Variants in AMDHD1 observed in about 807,000 individuals in gnomAD.
AMDHD1 encodes the protein amidohydrolase domain containing 1.
In AMDHD1, 45 loss-of-function variants were observed where a neutral mutation model predicts 44.1. That is an observed-to-expected ratio of 1.02 (90% CI 0.80 to 1.31). AMDHD1 has a LOEUF of 1.31. Among genes scored for constraint, AMDHD1 ranks in the 50% most tolerant of loss-of-function variants. AMDHD1 has a pLI of 0.00. For synonymous variants in AMDHD1, 206 were observed against 205.0 expected (o/e 1.00, Z -0.04); for missense variants, 586 against 552.1 (o/e 1.06, Z -0.61).
In AMDHD1 at chr12:95,960,411, A is replaced by C; in HGVS notation, c.601A>C (p.Thr201Pro). 1 of 1,613,922 alleles carries C rather than the reference A, an allele frequency of 6.2e-7. No homozygotes were observed. Among genetic ancestry groups the C allele is most frequent in the African/African-American group, 1.3e-5 (1 of 75,042 alleles). ...AHSVPKGKTA[T>P]EAADDIINNH... is the part of the protein sequence containing the mutation. ...TTTCTTCCCCAGAGGAAAAACTGCT[A>C]CTGAAGCTGCTGATGACATCATCAA... The change falls in exon 5 of 9, where the codon ACT becomes CCT. Residue 201 changes from threonine (T) to proline (P), a missense_variant. Physicochemically the swap from Thr to Pro is conservative, Grantham distance 38. Coordinates refer to ENST00000266736, the MANE Select transcript of AMDHD1 (RefSeq NM_152435.3).
intron 1 of AMDHD1, among the ~76,000 whole-genome samples, chr12:95,946,273 A>G (rs2080495384): frequency 6.6e-6 from 1 of 152,182 alleles, no homozygotes; most frequent in Non-Finnish European, 1.5e-5. Flanking sequence ...ACTTCAGAGG[A>G]GGGGCAAAAA....
rs1020476497 is a variant in AMDHD1, at chr12:95,968,068, A to G, written c.*225A>G. 1.2e-4 allele frequency: 36 copies of G among 311,140 alleles called. No homozygotes were observed. The highest frequency in any genetic ancestry group is 1.8e-4 in the Non-Finnish European group (31 of 170,936). 19.3% of individuals were successfully genotyped at this position (311,140 alleles called of 1,614,324 possible). ...CCTATTGTGATTAAAATCACAAAAC[A>G]TCCAATTAGTTCACAAATATTGGTT... On this transcript the variant is annotated 3_prime_UTR_variant, in exon 9 of 9. Coordinates refer to ENST00000266736, the MANE Select transcript of AMDHD1 (RefSeq NM_152435.3).
intron 6 of AMDHD1, among the ~76,000 whole-genome samples, chr12:95,962,732 C>CT (rs1031708133): frequency 1.3e-5 from 2 of 151,706 alleles, no homozygotes; most frequent in African/African-American, 4.8e-5. Context: ...TTTTCTTTTT[C>CT]TTTTTTTTCA....
At chr12:95,947,666 GT>G (rs1274744503) in intron 1 of AMDHD1, among the ~76,000 whole-genome samples, 4 of 67,406 alleles carry the variant, frequency 5.9e-5, no homozygotes, top group African/African-American at 1.7e-4. Flanking sequence ...CGTCCGGGAG[GT>G]GAGGGGCGCC....
intron 1 of AMDHD1, among the ~76,000 whole-genome samples, chr12:95,949,636 T>C (rs2080517837): frequency 6.6e-6 from 1 of 152,206 alleles, no homozygotes; most frequent in African/African-American, 2.4e-5. Context: ...TGCTTCTGCT[T>C]TCAGATGTTT....
intron 1 of AMDHD1, among the ~76,000 whole-genome samples, chr12:95,946,207 A>T (rs1169734329): frequency 1.3e-5 from 2 of 152,176 alleles, no homozygotes; most frequent in Non-Finnish European, 2.9e-5. Flanking sequence ...GTCTAAATGA[A>T]CAAAACAAAC....
At chr12:95,950,135 A>C (rs1192226269) in intron 1 of AMDHD1, among the ~76,000 whole-genome samples, 1 of 152,198 alleles carries the variant, frequency 6.6e-6, no homozygotes, top group Non-Finnish European at 1.5e-5. Context: ...GTCAATTTCT[A>C]ATCCTGCCGG....
chr12:95,953,074 G>T (rs2080532293), intron 2 of AMDHD1, among the ~76,000 whole-genome samples: 1 of 152,192 alleles, frequency 6.6e-6, no homozygotes, highest in Non-Finnish European at 1.5e-5. Context: ...TTGAAGCTAA[G>T]GGTGAAATAT....
At position 95,964,928 on chromosome 12, in the gene AMDHD1, C is replaced by CAAAAAAAAAAAAAAAAAA. The variant is rs60076877; in HGVS notation, c.939-752_939-735dup. Among the ~76,000 whole-genome samples, 56 of 35,828 alleles carry CAAAAAAAAAAAAAAAAAA rather than the reference C, an allele frequency of 1.6e-3. 17 individuals carry two copies. The highest frequency in any genetic ancestry group is 6.9e-3 in the African/African-American group (51 of 7,356). 23.5% of individuals were successfully genotyped at this position (35,828 alleles called of 152,430 possible). On this transcript the variant is annotated intron_variant, in intron 6 of 8. Coordinates refer to ENST00000266736, the MANE Select transcript of AMDHD1 (RefSeq NM_152435.3). The stretch of plus-strand genomic sequence containing the variant: ...AAAGGACCTACAGAGATGTTTGAGG[C>CAAAAAAAAAAAAAAAAAA]AAAAAAAAAAAAAAAAAAAAAAAGA...
chr12:95,943,826 T>C (rs1250703063), intron 1 of AMDHD1, among the ~76,000 whole-genome samples: 1 of 152,146 alleles, frequency 6.6e-6, no homozygotes, highest in African/African-American at 2.4e-5. Context: ...CCCCAGTGCT[T>C]CTTAAAGGGA....
chr12:95,955,683 A>G (rs1034412882), intron 3 of AMDHD1, among the ~76,000 whole-genome samples: 2 of 152,198 alleles, frequency 1.3e-5, no homozygotes, highest in Admixed American at 6.5e-5. Flanking sequence ...CATTATGTAG[A>G]TGGAGAAAGC....
intron 5 of AMDHD1, among the ~76,000 whole-genome samples, chr12:95,960,844 ATAT>A (rs796516635): frequency 2.0e-5 from 3 of 152,270 alleles, no homozygotes; most frequent in African/African-American, 7.2e-5. Flanking sequence ...TCCACTGGTG[ATAT>A]TAGTATTAAT....
intron 1 of AMDHD1, among the ~76,000 whole-genome samples, chr12:95,948,423 C>T (rs1378192317): frequency 1.5e-5 from 1 of 67,632 alleles, no homozygotes; most frequent in African/African-American, 6.9e-5. Context: ...GCGCCTCTGC[C>T]CGGCCGCCCC....
intron 5 of AMDHD1, 81 bp from the exon 6 acceptor site, chr12:95,962,274 C>T: frequency 6.5e-7 from 1 of 1,537,438 alleles, no homozygotes; most frequent in East Asian, 2.4e-5. Context: ...AAAAATAAAA[C>T]AAACAAAGCA....
chr12:95,948,456 C>T (rs1280610023), intron 1 of AMDHD1, among the ~76,000 whole-genome samples: 5 of 70,892 alleles, frequency 7.1e-5, no homozygotes. Flanking sequence ...AGGAGCCCCT[C>T]TGCCCGGCCA....
intron 1 of AMDHD1, 75 bp from the exon 2 acceptor site, chr12:95,952,642 C>A: frequency 2.1e-6 from 2 of 942,884 alleles, no homozygotes; most frequent in South Asian, 1.4e-5. Flanking sequence ...AATCTGAAAA[C>A]ATATTTTAAG....
Position 95,965,917 on chromosome 12 carries a change from G to A in AMDHD1, c.1032+138G>A, listed in dbSNP as rs190735546. 1.7e-3 allele frequency: 1,059 copies of A among 612,302 alleles called. 3 individuals carry two copies. Among genetic ancestry groups the A allele is most frequent in the Admixed American group, 3.0e-3 (83 of 27,866 alleles). The allele number at this position is 612,302 out of a possible 1,614,324, so 37.9% of individuals were successfully genotyped here. ...CTGTGAAACAAGAAAAAAAGGGGTA[G>A]ACAGCAGTGTAATTGGATTTTTCTG... is the stretch of plus-strand genomic sequence containing the variant. On this transcript the variant is annotated intron_variant, in intron 7 of 8. Coordinates refer to ENST00000266736, the MANE Select transcript of AMDHD1 (RefSeq NM_152435.3).
At position 95,965,926 on chromosome 12, in the gene AMDHD1, G is replaced by A. The variant is rs1174944792; in HGVS notation, c.1032+147G>A. ...AAGAAAAAAAGGGGTAGACAGCAGT[G>A]TAATTGGATTTTTCTGTCCCACATA... On this transcript the variant is annotated intron_variant, in intron 7 of 8. Coordinates refer to ENST00000266736, the MANE Select transcript of AMDHD1 (RefSeq NM_152435.3). 17 of 585,856 alleles carry A rather than the reference G, an allele frequency of 2.9e-5. No individual in the cohort carries two copies. In the East Asian group the frequency reaches 3.7e-4, roughly 13 times the overall value. 36.3% of individuals were successfully genotyped at this position (585,856 alleles called of 1,614,324 possible). A position where few individuals can be genotyped will look rare whatever the true frequency, so the allele number is the denominator to read the frequency against.
chr12:95,957,859 C>A (rs974838351), intron 4 of AMDHD1, among the ~76,000 whole-genome samples: 1 of 152,134 alleles, frequency 6.6e-6, no homozygotes, highest in Non-Finnish European at 1.5e-5. Context: ...TTGAGACCAA[C>A]CTGGCCAACA....
Sources: gnomAD v4.1 joint callset for allele counts (sites outside exome capture counted in the v4.1 genomes callset) on GRCh38, gnomAD v4.1.1 for gene constraint, MANE v1.5 for transcripts, NCBI Gene and HGNC (gene_info 2026-07-23, HGNC 2026-07-21) for gene names.